The following LAMA2 variants were observed in gnomAD, a reference collection of about 807,000 sequenced individuals.
LAMA2 encodes laminin subunit alpha-2.
LAMA2 carries 269 observed loss-of-function variants against 364.8 expected under a neutral mutation model. That is an observed-to-expected ratio of 0.74 (90% confidence interval 0.67 to 0.82). The LOEUF is 0.82. Among genes scored for constraint, LAMA2 ranks in the 40% least tolerant of loss-of-function variants. The probability of loss-of-function intolerance (pLI) is 0.00; values close to 1 mark genes in which losing one functional copy is unlikely to be tolerated. For synonymous variants in LAMA2, 1,379 were observed against 1,370.6 expected, an observed-to-expected ratio of 1.01 and a Z score of -0.14; for missense variants, 3,807 against 3,873.2, an observed-to-expected ratio of 0.98 and a Z score of 0.45.
intron 11 of LAMA2, among the ~76,000 whole-genome samples, chr6:129,191,914 G>A (rs1023595100): frequency 2.0e-5 from 3 of 152,166 alleles, no homozygotes; most frequent in African/African-American, 7.2e-5. Flanking sequence ...TAAATTAGAG[G>A]TGTAGCTGTA....
chr6:129,221,275 CA>C (rs1405137986), intron 12 of LAMA2, among the ~76,000 whole-genome samples: 1 of 145,476 alleles, frequency 6.9e-6, no homozygotes, highest in Admixed American at 6.9e-5. Context: ...ATAAGAAAAG[CA>C]TAATTGATTA....
chr6:129,142,299 A>G (rs995805298), intron 4 of LAMA2, among the ~76,000 whole-genome samples: 1 of 152,008 alleles, frequency 6.6e-6, no homozygotes, highest in Admixed American at 6.6e-5. Flanking sequence ...ATCTGAGATC[A>G]GGGTGTCCGC....
chr6:129,153,224 C>A (rs1257156301), intron 7 of LAMA2, among the ~76,000 whole-genome samples: 1 of 152,154 alleles, frequency 6.6e-6, no homozygotes, highest in Non-Finnish European at 1.5e-5. Flanking sequence ...TTGCTAACTT[C>A]TTTATAAGAC....
chr6:129,514,429 G>A lies in LAMA2; in HGVS notation c.9045G>A (p.Gly3015=), dbSNP rs1439639633. The A allele has an allele frequency of 1.2e-6, 2 of 1,614,040 alleles. No individual in the cohort carries two copies. Among genetic ancestry groups the A allele is most frequent in the South Asian group, 2.2e-5 (2 of 91,080 alleles). The stretch of plus-strand genomic sequence containing the variant: ...GATTCACTGCTGTCTATGATGCTGG[G>A]GTTCCAGGGCATTTGTGTGATGGAC... ...AGRFTAVYDA[G]VPGHLCDGQW... is the part of the protein sequence containing the mutation. The change falls in exon 64 of 65, where the codon GGG becomes GGA. Residue 3015 remains glycine, a synonymous_variant. Coordinates refer to ENST00000421865, the MANE Select transcript of LAMA2 (RefSeq NM_000426.4).
At chr6:129,360,547 C>G (rs4897308) in intron 32 of LAMA2, among the ~76,000 whole-genome samples, 1,917 of 152,292 alleles carry the variant, frequency 0.013, 107 homozygotes, top group Admixed American at 0.099. Context: ...CCCATTCAGA[C>G]AGATGTTAGT....
rs1187170138 is a variant in LAMA2 at position 129,486,491 on chromosome 6, C to T, written c.7767C>T (p.Leu2589=). ...TGTTGCAGGCCTATTATGCAATACT[C>T]CTCAACAGGGGCCGTCTGGAAGTGC... is the stretch of plus-strand genomic sequence containing the variant. ...RQTGQAYYAI[L]LNRGRLEVHL... is the part of the protein sequence containing the mutation. Residue 2589 remains leucine (L), a synonymous_variant, in exon 56 of 65, where the codon CTC becomes CTT. Coordinates refer to ENST00000421865, the MANE Select transcript of LAMA2 (RefSeq NM_000426.4). The T allele has an allele frequency of 6.2e-7, 1 of 1,613,744 alleles. No homozygotes were observed. The highest frequency in any genetic ancestry group is 2.2e-5 in the East Asian group (1 of 44,828).
chr6:129,143,348 A>G (rs9492246), intron 4 of LAMA2, among the ~76,000 whole-genome samples: 12,298 of 151,950 alleles, frequency 0.081, 586 homozygotes, highest in Non-Finnish European at 0.11. Flanking sequence ...GATAACGACA[A>G]CCTAAAACAA....
At chr6:129,083,697 T>G (rs568508005) in intron 3 of LAMA2, among the ~76,000 whole-genome samples, 4 of 152,308 alleles carry the variant, frequency 2.6e-5, no homozygotes, top group African/African-American at 9.6e-5. Context: ...AGTTTCAAAG[T>G]AGATGTAGGT....
Position 129,353,329 on chromosome 6 carries a change from G to A in LAMA2, c.4689G>A (p.Trp1563Ter), listed in dbSNP as rs1776964566. ...GGAAGTGTGACGGCTGCAAGCACTG[G>A]CATGCACGCGAGGGCTGGGAGTGTG... ...TGRKCDGCKH[W>*]HAREGWECVF... is the part of the protein sequence containing the mutation. Residue 1563 changes from tryptophan (W) to a stop codon, truncating the protein, a stop_gained, in exon 32 of 65, where the codon TGG becomes TGA. Transcript: ENST00000421865. LOFTEE classifies it high-confidence loss of function. 1.9e-6 allele frequency: 3 copies of A among 1,614,058 alleles called. No individual in the cohort carries two copies. The highest frequency in any genetic ancestry group is 2.5e-6 in the Non-Finnish European group (3 of 1,179,988).
chr6:129,014,133 G>A (rs1223755502), intron 1 of LAMA2, among the ~76,000 whole-genome samples: 1 of 152,152 alleles, frequency 6.6e-6, no homozygotes, highest in Non-Finnish European at 1.5e-5. Flanking sequence ...GATTTTTCAT[G>A]GAGGGAAGGC....
At chr6:128,935,923 C>T (rs959193208) in intron 1 of LAMA2, among the ~76,000 whole-genome samples, 1 of 152,156 alleles carries the variant, frequency 6.6e-6, no homozygotes, top group African/African-American at 2.4e-5. Context: ...TCCCCATAAT[C>T]CCCAAATGTC....
Position 129,270,862 on chromosome 6 carries a change from GA to G in LAMA2, c.2450+112del, listed in dbSNP as rs1404013107. On this transcript the variant is annotated intron_variant, in intron 17 of 64. Coordinates refer to ENST00000421865, the MANE Select transcript of LAMA2 (RefSeq NM_000426.4). ...CCCATGTAAATAAATAATAAACACA[GA>G]CATGAATTTTTTCAGGAAAATTATA... 40 of 1,153,762 alleles carry G rather than the reference GA, an allele frequency of 3.5e-5. No individual in the cohort carries two copies. The South Asian group carries it at 5.1e-4, about 15-fold the overall frequency. 71.5% of individuals were successfully genotyped at this position (1,153,762 alleles called of 1,614,324 possible). A position where few individuals can be genotyped will look rare whatever the true frequency, so the allele number is the denominator to read the frequency against.
At chr6:129,318,433 T>G (rs1774751650) in intron 27 of LAMA2, among the ~76,000 whole-genome samples, 1 of 152,178 alleles carries the variant, frequency 6.6e-6, no homozygotes, top group South Asian at 2.1e-4. Context: ...AATGGTGTAT[T>G]GCAGAAATAT....
intron 40 of LAMA2, among the ~76,000 whole-genome samples, chr6:129,427,410 A>C (rs562517855): frequency 6.6e-6 from 1 of 152,300 alleles, no homozygotes; most frequent in Admixed American, 6.5e-5. Context: ...GCCAGTTATC[A>C]TGCATCGAGT....
At chr6:129,024,255 A>G (rs1333703603) in intron 1 of LAMA2, among the ~76,000 whole-genome samples, 3 of 151,792 alleles carry the variant, frequency 2.0e-5, no homozygotes. Context: ...AATGAGTCAA[A>G]TGGTATGTTA....
rs376473961 is a variant in LAMA2, at chr6:129,383,126, C to G, written c.4964C>G (p.Thr1655Ser). 5.6e-6 allele frequency: 9 copies of G among 1,613,240 alleles called. No homozygotes were observed. The highest frequency in any genetic ancestry group is 7.6e-6 in the Non-Finnish European group (9 of 1,179,522). ...TEMNELLTRA[T>S]KVTADGEQTG... ...TTCCCGAATTTGGATCATTAGGCTA[C>G]CAAAGTGACAGCAGATGGCGAGCAG... The change falls in exon 35 of 65, where the codon ACC becomes AGC. Residue 1655 changes from threonine (T) to serine (S), a missense_variant. Thr to Ser is a moderately conservative substitution (Grantham distance 58, BLOSUM62 1). Around this residue, in one of 3 missense-constraint regions of LAMA2, gnomAD observed 3,333 missense variants for 3,345.7 expected, o/e 1.00. Coordinates refer to ENST00000421865, the MANE Select transcript of LAMA2 (RefSeq NM_000426.4).
At chr6:129,451,788 C>A (rs1782688609) in intron 45 of LAMA2, among the ~76,000 whole-genome samples, 1 of 152,180 alleles carries the variant, frequency 6.6e-6, no homozygotes, top group Non-Finnish European at 1.5e-5. Context: ...AGAAGGGCCA[C>A]AGTTCTGCCC....
chr6:129,052,130 T>A (rs1343159507), intron 2 of LAMA2, among the ~76,000 whole-genome samples: 1 of 147,274 alleles, frequency 6.8e-6, no homozygotes. Flanking sequence ...TTAGTATTTC[T>A]TCTCCTTTTT....
chr6:129,158,416 T>C (rs1779254365), intron 8 of LAMA2: 1 of 1,613,954 alleles, frequency 6.2e-7, no homozygotes, highest in Non-Finnish European at 8.5e-7. Context: ...TGCCGGACCA[T>C]CTGAATCTGT....
Sources: allele counts gnomAD v4.1 joint callset (sites outside exome capture counted in the v4.1 genomes callset), GRCh38; gene constraint gnomAD v4.1.1; regional missense constraint gnomAD v4.1.1; transcripts MANE v1.5; gene names NCBI Gene and HGNC (gene_info 2026-07-23, HGNC 2026-07-21).